Variants in PDE4D observed in about 807,000 individuals in gnomAD.
PDE4D encodes the protein 3',5'-cyclic-AMP phosphodiesterase 4D.
Under a neutral mutation model 87.4 loss-of-function variants are expected in PDE4D, and 24 were observed. The observed-to-expected ratio is 0.27, with a 90% CI of 0.20 to 0.39. The LOEUF is 0.39. Ranked by LOEUF, PDE4D falls within the 10% of genes least tolerant of loss-of-function variation. The probability of loss-of-function intolerance (pLI) is 1.00; values close to 1 mark genes in which losing one functional copy is unlikely to be tolerated. For synonymous variants in PDE4D, 384 were observed against 383.2 expected (o/e 1.00, Z -0.02); for missense variants, 714 against 1,041.0 (o/e 0.69, Z 4.32).
intron 6 of PDE4D, among the ~76,000 whole-genome samples, chr5:59,017,798 T>A (rs1303353598): frequency 6.6e-6 from 1 of 152,224 alleles, no homozygotes; most frequent in Non-Finnish European, 1.5e-5. Context: ...AATTACTGTT[T>A]TACTAAGACA....
intron 1 of PDE4D, among the ~76,000 whole-genome samples, chr5:59,274,633 A>AG (rs887852518): frequency 2.4e-4 from 37 of 152,154 alleles, no homozygotes; most frequent in Non-Finnish European, 4.4e-5. Context: ...TACCTATTGT[A>AG]GAAAAAAAAG....
In PDE4D at chr5:59,446,964, C is replaced by A. The variant is rs951130080; in HGVS notation, c.456-230996G>T. Among the ~76,000 whole-genome samples, 6 of 152,174 alleles carry A rather than the reference C, an allele frequency of 3.9e-5. No individual in the cohort carries two copies. The East Asian group carries it at 9.6e-4, about 24-fold the overall frequency. On this transcript the variant is annotated intron_variant, in intron 1 of 14. Coordinates refer to ENST00000340635, the MANE Select transcript of PDE4D (RefSeq NM_001104631.2). ...TAATGAAAAATAGTTATCGCTTTCA[C>A]ATTCCTTTAGTGCACATTCCTTTGC...
intron 3 of PDE4D, among the ~76,000 whole-genome samples, chr5:59,983,653 G>A (rs1386627953): frequency 6.6e-6 from 1 of 152,138 alleles, no homozygotes; most frequent in Non-Finnish European, 1.5e-5. Flanking sequence ...AACCACAGTA[G>A]TATACCACTA....
At chr5:59,691,245 C>A (rs565485054) in intron 1 of PDE4D, among the ~76,000 whole-genome samples, 1 of 152,282 alleles carries the variant, frequency 6.6e-6, no homozygotes, top group South Asian at 2.1e-4. Flanking sequence ...GATTATAAAT[C>A]ATGCTGCTAT....
intron 1 of PDE4D, among the ~76,000 whole-genome samples, chr5:59,363,465 T>C (rs1322606049): frequency 2.6e-5 from 4 of 152,194 alleles, no homozygotes. Flanking sequence ...AACCAATACA[T>C]GCCTGGAATA....
intron 1 of PDE4D, among the ~76,000 whole-genome samples, chr5:59,399,279 A>T (rs71626186): frequency 1.5e-5 from 2 of 131,312 alleles, no homozygotes; most frequent in African/African-American, 5.4e-5. Flanking sequence ...ACCAAGTCAA[A>T]CCTAAGCCAA....
chr5:60,316,061 G>T (rs192407470), intron 1 of PDE4D, among the ~76,000 whole-genome samples: 25 of 152,188 alleles, frequency 1.6e-4, no homozygotes, highest in Admixed American at 9.2e-4. Flanking sequence ...GCATTGAATC[G>T]ATAAATTACC....
chr5:59,773,300 G>A (rs1193696951), intron 1 of PDE4D, among the ~76,000 whole-genome samples: 1 of 152,160 alleles, frequency 6.6e-6, no homozygotes, highest in East Asian at 1.9e-4. Flanking sequence ...ATTTAAATCT[G>A]TGTCTATGAG....
At chr5:59,432,958 A>C (rs1167380847) in intron 1 of PDE4D, among the ~76,000 whole-genome samples, 1 of 152,098 alleles carries the variant, frequency 6.6e-6, no homozygotes, top group East Asian at 1.9e-4. Context: ...ATAATATTTC[A>C]TAATTTGGGA....
rs202247526 is a variant in PDE4D at position 59,380,713 on chromosome 5, GAAC to G, written c.456-164748_456-164746del. Among the ~76,000 whole-genome samples the G allele has an allele frequency of 3.3e-3, 501 of 152,122 alleles. 3 individuals carry two copies. Among genetic ancestry groups the G allele is most frequent in the African/African-American group, 0.011 (469 of 41,524 alleles). The stretch of plus-strand genomic sequence containing the variant: ...CATATCTTGTTTCTGAACTCCAGTT[GAAC>G]AACATTTCATTCTTAGACCAAGTGT... On this transcript the variant is annotated intron_variant, in intron 1 of 14. Coordinates refer to ENST00000340635, the MANE Select transcript of PDE4D (RefSeq NM_001104631.2).
intron 1 of PDE4D, among the ~76,000 whole-genome samples, chr5:59,840,432 T>C (rs1303837269): frequency 1.3e-5 from 2 of 151,986 alleles, no homozygotes; most frequent in Non-Finnish European, 2.9e-5. Flanking sequence ...TCCTTGTTTC[T>C]CACCATATCA....
chr5:58,988,660 TAAG>T (rs1747120834), intron 10 of PDE4D, 68 bp from the exon 11 acceptor site: 7 of 646,384 alleles, frequency 1.1e-5, no homozygotes, highest in South Asian at 3.4e-5. Context: ...TATAAACAAA[TAAG>T]AAATCTCTAG....
chr5:59,471,474 A>C (rs1333351459), intron 1 of PDE4D, among the ~76,000 whole-genome samples: 4 of 152,280 alleles, frequency 2.6e-5, no homozygotes. Flanking sequence ...ATGATTTTTA[A>C]AACATCATCT....
At chr5:59,579,903 C>T (rs1823802785) in intron 1 of PDE4D, among the ~76,000 whole-genome samples, 1 of 152,162 alleles carries the variant, frequency 6.6e-6, no homozygotes, top group Non-Finnish European at 1.5e-5. Context: ...CAGAGTTCAC[C>T]ACAAATTCCT....
Position 59,189,251 on chromosome 5 carries a change from T to TG in PDE4D, c.685-3990_685-3989insC, listed in dbSNP as rs1561663591. Among the ~76,000 whole-genome samples the TG allele has an allele frequency of 8.0e-4, 83 of 103,786 alleles. 3 individuals are homozygous for TG. Among genetic ancestry groups the TG allele is most frequent in the East Asian group, 5.5e-3 (25 of 4,516 alleles). 68.1% of individuals were successfully genotyped at this position (103,786 alleles called of 152,430 possible). On this transcript the variant is annotated intron_variant, in intron 3 of 14. Transcript: ENST00000340635. ...TACCCCGTTTTTTTTTTTGTTTTTT[T>TG]TGTTTTTTTTTTTTTGAGACGGAGT...
chr5:59,281,561 A>C (rs926486197), intron 1 of PDE4D, among the ~76,000 whole-genome samples: 3 of 152,178 alleles, frequency 2.0e-5, no homozygotes, highest in Admixed American at 1.3e-4. Flanking sequence ...GGTAAAATAC[A>C]CATCACGTAA....
At position 59,393,517 on chromosome 5, in the gene PDE4D, C is replaced by T. The variant is rs371575376; in HGVS notation, c.456-177549G>A. ...TTAGTGTGTTGAATCTGGCTGCTTC[C>T]ACACTGCATGCATCCTACCTTTCTC... is the stretch of plus-strand genomic sequence containing the variant. On this transcript the variant is annotated intron_variant, in intron 1 of 14. Transcript: ENST00000340635. 2.6e-5 allele frequency among the ~76,000 whole-genome samples: 4 copies of T among 152,302 alleles called. 1 individual carries two copies. Among genetic ancestry groups the T allele is most frequent in the African/African-American group, 9.6e-5 (4 of 41,566 alleles).
intron 6 of PDE4D, among the ~76,000 whole-genome samples, chr5:59,009,992 C>G (rs1343777507): frequency 6.6e-6 from 1 of 152,156 alleles, no homozygotes; most frequent in Non-Finnish European, 1.5e-5. Context: ...TCCACATTAG[C>G]TTTAATGATA....
chr5:59,270,822 G>A (rs540615430), intron 1 of PDE4D, among the ~76,000 whole-genome samples: 44 of 152,234 alleles, frequency 2.9e-4, no homozygotes, highest in Admixed American at 1.8e-3. Context: ...ACCAGAGCAC[G>A]TTCTTTGAGG....
Sources: gnomAD v4.1 joint callset for allele counts (sites outside exome capture counted in the v4.1 genomes callset) on GRCh38, gnomAD v4.1.1 for gene constraint, MANE v1.5 for transcripts, NCBI Gene and HGNC (gene_info 2026-07-23, HGNC 2026-07-21) for gene names.